C2orf15: variants seen among roughly 807,000 people sequenced by gnomAD.
The protein encoded by C2orf15 is chromosome 2 open reading frame 15, also known as uncharacterized protein C2orf15.
A neutral mutation model predicts 4.4 loss-of-function variants in C2orf15; 3 were observed. The ratio of observed to expected loss-of-function variants is 0.67; its 90% CI spans 0.31 to 1.74. The LOEUF (loss-of-function observed/expected upper bound fraction) is 1.74. Ranked by LOEUF, C2orf15 falls within the 40% of genes most tolerant of loss-of-function variation. The pLI is 0.09. For synonymous variants in C2orf15, 37 were observed against 36.8 expected (o/e 1.00, Z -0.02); for missense variants, 90 against 103.3 (o/e 0.87, Z 0.56).
Position 99,147,607 on chromosome 2 carries a change from T to A in C2orf15, c.-77+114T>A, listed in dbSNP as rs369171094. 2.8e-5 allele frequency: 26 copies of A among 913,446 alleles called. No individual in the cohort carries two copies. The African/African-American group carries it at 4.0e-4, about 14-fold the overall frequency. 56.6% of individuals were successfully genotyped at this position (913,446 alleles called of 1,614,324 possible). ...ATTATATGTTACCATTCTTTTACGT[T>A]TGTTGATTTCAAATGCCATGTTTTA... On this transcript the variant is annotated intron_variant, in intron 3 of 3. Transcript: ENST00000650052.
At chr2:99,149,625 AT>A (rs201218481) in intron 3 of C2orf15, among the ~76,000 whole-genome samples, 1,610 of 149,542 alleles carry the variant, frequency 0.011, 10 homozygotes, top group Middle Eastern at 0.028. Context: ...GGTATTTTTA[AT>A]ACAGATGGGG....
chr2:99,147,619 A>G (rs569337008), intron 3 of C2orf15, 126 bp downstream of exon 3: 103 of 825,996 alleles, frequency 1.2e-4, no homozygotes, highest in Middle Eastern at 3.2e-4. Context: ...GTTGATTTCA[A>G]ATGCCATGTT....
At chr2:99,143,824 C>T (rs2093602965) in intron 2 of C2orf15, among the ~76,000 whole-genome samples, 1 of 152,068 alleles carries the variant, frequency 6.6e-6, no homozygotes, top group Admixed American at 6.6e-5. Context: ...CAGACACCTT[C>T]TAAGGTCTTG....
intron 2 of C2orf15, among the ~76,000 whole-genome samples, chr2:99,143,950 T>C (rs577649465): frequency 2.0e-5 from 3 of 152,290 alleles, no homozygotes; most frequent in African/African-American, 7.2e-5. Context: ...CAAAAAAAAA[T>C]CTGGGACTCC....
chr2:99,143,478 T>C (rs1240789335), intron 2 of C2orf15, among the ~76,000 whole-genome samples: 1 of 151,106 alleles, frequency 6.6e-6, no homozygotes, highest in Admixed American at 6.6e-5. Flanking sequence ...TTTTCCTTTT[T>C]TTTAAGACAG....
chr2:99,147,825 T>G (rs1042916299), intron 3 of C2orf15, among the ~76,000 whole-genome samples: 8 of 152,196 alleles, frequency 5.3e-5, no homozygotes, highest in Non-Finnish European at 1.2e-4. Flanking sequence ...CTAAACAATT[T>G]GAGGGCAAGT....
chr2:99,147,241 TCTTTCCACCTTGGC>T, intron 2 of C2orf15, 147 bp from the exon 3 acceptor site: 1 of 469,688 alleles, frequency 2.1e-6, no homozygotes. Context: ...ACTCAAGAGA[TCTTTCCACCTTGGC>T]CTCCCAAAGT....
chr2:99,147,519 C>G, intron 3 of C2orf15, 26 bp downstream of exon 3: 1 of 1,606,872 alleles, frequency 6.2e-7, no homozygotes, highest in Non-Finnish European at 8.5e-7. Context: ...CCAAGTCTAC[C>G]CTATTATACT....
At chr2:99,143,890 T>C (rs1163009994) in intron 2 of C2orf15, among the ~76,000 whole-genome samples, 3 of 152,194 alleles carry the variant, frequency 2.0e-5, no homozygotes, top group Admixed American at 2.0e-4. Context: ...CAAAAACCTC[T>C]GTTATTACTA....
At position 99,150,777 on chromosome 2, in the gene C2orf15, G is replaced by A; in HGVS notation, c.219G>A (p.Leu73=). 1 of 1,611,844 alleles carries A rather than the reference G, an allele frequency of 6.2e-7. No individual in the cohort carries two copies. The highest frequency in any genetic ancestry group is 8.5e-7 in the Non-Finnish European group (1 of 1,179,402). ...TGTGSLSGKA[L]GSVVYVKESD... ...CAGGATCTCTTTCTGGGAAAGCCTT[G>A]GGTTCAGTGGTATATGTCAAAGAAA... The change falls in exon 4 of 4, where the codon TTG becomes TTA. Residue 73 remains leucine, a synonymous_variant. Transcript: ENST00000650052.
chr2:99,144,707 T>C (rs935198740), intron 2 of C2orf15, among the ~76,000 whole-genome samples: 1 of 146,872 alleles, frequency 6.8e-6, no homozygotes, highest in Non-Finnish European at 1.5e-5. Flanking sequence ...TGGTCTCTGT[T>C]ACTCCATCAT....
Position 99,150,984 on chromosome 2 carries a change from A to AT in C2orf15, c.*157dup, listed in dbSNP as rs971586412. 22 of 521,256 alleles carry AT rather than the reference A, an allele frequency of 4.2e-5. No individual in the cohort carries two copies. The highest frequency in any genetic ancestry group is 6.8e-5 in the Non-Finnish European group (20 of 292,038). The allele number at this position is 521,256 out of a possible 1,614,324, so 32.3% of individuals were successfully genotyped here. Reference sequence around the variant, plus strand: ...CTATTTGTGAATCATCTTACACTGCATTTTTTTATGATGCTTATTCAAAAG... The same window carrying AT: ...CTATTTGTGAATCATCTTACACTGCATTTTTTTTATGATGCTTATTCAAAAG... On this transcript the variant is annotated 3_prime_UTR_variant, in exon 4 of 4. Transcript: ENST00000650052.
chr2:99,149,993 A>G (rs2093676169), intron 3 of C2orf15, among the ~76,000 whole-genome samples: 2 of 151,530 alleles, frequency 1.3e-5, no homozygotes, highest in Non-Finnish European at 2.9e-5. Flanking sequence ...GGGTTTCACC[A>G]TGTTGGCCAG....
intron 2 of C2orf15, among the ~76,000 whole-genome samples, chr2:99,144,779 A>C (rs2093615532): frequency 6.6e-6 from 1 of 152,126 alleles, no homozygotes; most frequent in African/African-American, 2.4e-5. Flanking sequence ...AACTATCCTC[A>C]AGGGATGTGG....
rs1257041155 is a variant in C2orf15 at position 99,150,934 on chromosome 2, TG to T, written c.*102del. On this transcript the variant is annotated 3_prime_UTR_variant, in exon 4 of 4. Coordinates refer to ENST00000650052, the MANE Select transcript of C2orf15 (RefSeq NM_144706.4). ...TTATTAGGAAACCCTGACAAAATGA[TG>T]GAAGACTATTGCCTTATTTTGCACT... 1 of 723,304 alleles carries T rather than the reference TG, an allele frequency of 1.4e-6. No homozygotes were observed. The highest frequency in any genetic ancestry group is 1.8e-5 in the African/African-American group (1 of 55,762). 44.8% of individuals were successfully genotyped at this position (723,304 alleles called of 1,614,324 possible).
chr2:99,145,220 A>G (rs369971364), intron 2 of C2orf15, among the ~76,000 whole-genome samples: 2 of 152,038 alleles, frequency 1.3e-5, no homozygotes, highest in Admixed American at 6.6e-5. Flanking sequence ...TCCTCCTCAC[A>G]TTGCATCATG....
intron 2 of C2orf15, among the ~76,000 whole-genome samples, chr2:99,144,676 C>A (rs1308079349): frequency 1.4e-5 from 1 of 69,986 alleles, no homozygotes; most frequent in Admixed American, 1.4e-4. Flanking sequence ...AAAAAAGATG[C>A]TGAAAGCATG....
chr2:99,150,591 G>A lies in C2orf15; in HGVS notation c.33G>A (p.Gln11=). 1 of 1,613,258 alleles carries A rather than the reference G, an allele frequency of 6.2e-7. No homozygotes were observed. Among genetic ancestry groups the A allele is most frequent in the African/African-American group, 1.3e-5 (1 of 74,880 alleles). Residue 11 remains glutamine, a synonymous_variant, in exon 4 of 4, where the codon CAG becomes CAA. Transcript: ENST00000650052. MGFSLSKSAT[Q]VSAIHMDSKV... is the part of the protein sequence containing the mutation. ...TTTCACTTAGTAAATCTGCTACTCA[G>A]GTATCTGCTATACATATGGATTCAA...
At position 99,150,332 on chromosome 2, in the gene C2orf15, C is replaced by G. The variant is rs943306238; in HGVS notation, c.-76-151C>G. ...AATAAATCTTTAGAACCTGCAAACC[C>G]TCCCACAAAGAAAATGTAAACACTG... On this transcript the variant is annotated intron_variant, in intron 3 of 3. Coordinates refer to ENST00000650052, the MANE Select transcript of C2orf15 (RefSeq NM_144706.4). 5.9e-6 allele frequency: 3 copies of G among 509,016 alleles called. No homozygotes were observed. The Admixed American group carries it at 1.1e-4, about 19-fold the overall frequency. The allele number at this position is 509,016 out of a possible 1,614,324, so 31.5% of individuals were successfully genotyped here.
Sources: gnomAD v4.1 joint callset for allele counts (sites outside exome capture counted in the v4.1 genomes callset) on GRCh38, gnomAD v4.1.1 for gene constraint, MANE v1.5 for transcripts, NCBI Gene and HGNC (gene_info 2026-07-23, HGNC 2026-07-21) for gene names.